Variants in DIAPH2 observed in about 807,000 individuals in gnomAD.
DIAPH2 encodes protein diaphanous homolog 2.
DIAPH2 carries 35 observed loss-of-function variants against 92.7 expected under a neutral mutation model. The observed-to-expected ratio is 0.38, with a 90% CI of 0.29 to 0.50. DIAPH2 has a LOEUF of 0.50. DIAPH2 is among the 20% of genes least tolerant of loss of function. The pLI, the probability that DIAPH2 is intolerant of heterozygous loss-of-function variation, is 0.94. For synonymous variants in DIAPH2, 301 were observed against 280.4 expected (o/e 1.07, Z -0.73); for missense variants, 701 against 819.5 (o/e 0.86, Z 1.77).
chrX:97,543,542 G>T (rs185327185), intron 26 of DIAPH2, among the ~76,000 whole-genome samples: 7 of 109,534 alleles, frequency 6.4e-5, no homozygotes, highest in Admixed American at 9.7e-5. Flanking sequence ...TCACTCTGTC[G>T]ACCCTGGGCT....
At chrX:96,750,120 C>T (rs182947838) in intron 3 of DIAPH2, among the ~76,000 whole-genome samples, 14 of 96,602 alleles carry the variant, frequency 1.4e-4, no homozygotes, top group East Asian at 6.4e-4. Context: ...TGCAGCTGCG[C>T]GATCTCTGCT....
chrX:96,944,780 C>T (rs1006420800), intron 13 of DIAPH2, among the ~76,000 whole-genome samples: 2 of 111,187 alleles, frequency 1.8e-5, no homozygotes, highest in Non-Finnish European at 3.8e-5. Flanking sequence ...TTTATGTATA[C>T]ACTTGTTGAT....
At chrX:96,803,372 T>C (rs2064598848) in intron 4 of DIAPH2, among the ~76,000 whole-genome samples, 1 of 112,052 alleles carries the variant, frequency 8.9e-6, no homozygotes, top group Non-Finnish European at 1.9e-5. Flanking sequence ...TATCAATTTA[T>C]GTTTGCCTGC....
chrX:96,805,091 G>A (rs6620169), intron 4 of DIAPH2, among the ~76,000 whole-genome samples: 11,336 of 110,279 alleles, frequency 0.1, 540 homozygotes, highest in East Asian at 0.32. Context: ...CAAAATAATG[G>A]GAATGCCTAG....
In DIAPH2 at chrX:96,942,107, G is replaced by T; in HGVS notation, c.1415G>T (p.Arg472Ile). ...GMDPDFKYRQ[R>I]LDIDLTHLID... ...GATCCAGACTTCAAATACAGGCAAA[G>T]ATTAGACATCGATTTAACTCATCTG... Residue 472 changes from arginine (R) to isoleucine (I), a missense_variant, in exon 13 of 27, where the codon AGA (arginine) becomes ATA (isoleucine). Arg to Ile is a moderately conservative substitution (Grantham distance 97). Transcript: ENST00000324765. 1 of 1,171,722 alleles carries T rather than the reference G, an allele frequency of 8.5e-7. No individual in the cohort carries two copies. The highest frequency in any genetic ancestry group is 1.8e-5 in the African/African-American group (1 of 57,045).
chrX:97,555,508 T>G, intron 26 of DIAPH2: 3 of 624,193 alleles, frequency 4.8e-6, no homozygotes, highest in Non-Finnish European at 5.8e-6. Context: ...ATCATTATAA[T>G]GAACATGATG....
At chrX:97,406,649 A>G (rs1319440288) in intron 25 of DIAPH2, among the ~76,000 whole-genome samples, 2 of 111,901 alleles carry the variant, frequency 1.8e-5, no homozygotes, top group African/African-American at 3.2e-5. Context: ...AATTTCCCCT[A>G]TACTAAAAAT....
intron 17 of DIAPH2, among the ~76,000 whole-genome samples, chrX:97,009,916 C>A (rs912009340): frequency 5.4e-5 from 6 of 111,602 alleles, no homozygotes; most frequent in Non-Finnish European, 7.5e-5. Context: ...GGGGCTGACA[C>A]AAGCACTCCC....
rs141753683 is a variant in DIAPH2 at position 97,425,994 on chromosome X, G to C, written c.3146-3656G>C. ...CCATCCAATGACACCCAAATCTTTA[G>C]CTCCAGCCCAGAGTTCACTTTTGCA... On this transcript the variant is annotated intron_variant, in intron 25 of 26. Coordinates refer to ENST00000324765, the MANE Select transcript of DIAPH2 (RefSeq NM_006729.5). 2.9e-3 allele frequency among the ~76,000 whole-genome samples: 320 copies of C among 110,092 alleles called. 1 individual carries two copies. The highest frequency in any genetic ancestry group is 8.5e-3 in the African/African-American group (259 of 30,310).
intron 26 of DIAPH2, among the ~76,000 whole-genome samples, chrX:97,572,994 C>T (rs1352690281): frequency 8.9e-6 from 1 of 111,986 alleles, no homozygotes; most frequent in Non-Finnish European, 1.9e-5. Context: ...TCTTCGTAGT[C>T]ATTTCTTCTG....
chrX:96,915,421 T>C (rs965820209), intron 7 of DIAPH2, among the ~76,000 whole-genome samples: 7 of 110,270 alleles, frequency 6.3e-5, no homozygotes, highest in Admixed American at 9.7e-5. Context: ...CTTTTTTTTT[T>C]TGGTCTTATC....
chrX:96,687,294 A>G (rs1986837349), intron 1 of DIAPH2, among the ~76,000 whole-genome samples: 2 of 112,228 alleles, frequency 1.8e-5, no homozygotes, highest in South Asian at 7.3e-4. Context: ...CTCAATGTCT[A>G]CATAGATTAA....
chrX:97,113,227 T>A (rs2066994746), intron 20 of DIAPH2, among the ~76,000 whole-genome samples: 1 of 111,669 alleles, frequency 9.0e-6, no homozygotes, highest in African/African-American at 3.3e-5. Context: ...TTTTTCTTCT[T>A]CCAGTGAACA....
At chrX:97,104,310 G>T in intron 20 of DIAPH2, among the ~76,000 whole-genome samples, 1 of 111,147 alleles carries the variant, frequency 9.0e-6, no homozygotes, top group African/African-American at 3.3e-5. Flanking sequence ...TAACATAAAA[G>T]AATTTAAGCT....
intron 17 of DIAPH2, among the ~76,000 whole-genome samples, chrX:97,052,874 G>C (rs775417087): frequency 5.4e-5 from 6 of 111,154 alleles, no homozygotes; most frequent in Non-Finnish European, 9.5e-5. Context: ...AACCAACCTA[G>C]GCTGATGTTA....
chrX:97,017,482 G>T (rs769652839), intron 17 of DIAPH2, among the ~76,000 whole-genome samples: 9 of 111,516 alleles, frequency 8.1e-5, no homozygotes, highest in Non-Finnish European at 1.5e-4. Context: ...TCAAGAATTT[G>T]GGACCTTCTT....
chrX:97,110,023 G>A (rs151157537), intron 20 of DIAPH2, among the ~76,000 whole-genome samples: 1 of 111,697 alleles, frequency 9.0e-6, no homozygotes, highest in East Asian at 2.8e-4. Context: ...AACATTTCTG[G>A]TTTGACATTA....
intron 4 of DIAPH2, among the ~76,000 whole-genome samples, chrX:96,776,183 C>T (rs2064375938): frequency 9.0e-6 from 1 of 110,983 alleles, no homozygotes; most frequent in Non-Finnish European, 1.9e-5. Context: ...GCTGCATAAC[C>T]ATGGTATCCT....
rs766394252 is a variant in DIAPH2, at chrX:97,396,150, G to A, written c.3145+12106G>A. ...ATATTCTAATTCTTATTACAGAAAA[G>A]TGTCAAATGAATAACAGCTGTTATA... is the stretch of plus-strand genomic sequence containing the variant. On this transcript the variant is annotated intron_variant, in intron 25 of 26. Transcript: ENST00000324765. 2.7e-5 allele frequency among the ~76,000 whole-genome samples: 3 copies of A among 111,897 alleles called. No individual in the cohort carries two copies. In the South Asian group the frequency reaches 1.1e-3, roughly 42 times the overall value.
Sources: gnomAD v4.1 joint callset for allele counts (sites outside exome capture counted in the v4.1 genomes callset) on GRCh38, gnomAD v4.1.1 for gene constraint, MANE v1.5 for transcripts, NCBI Gene and HGNC (gene_info 2026-07-23, HGNC 2026-07-21) for gene names.